The following CTIF variants were observed in gnomAD, a reference collection of about 807,000 sequenced individuals.
CTIF encodes cap binding complex dependent translation initiation factor.
Under a neutral mutation model 66.0 loss-of-function variants are expected in CTIF, and 21 were observed. The observed-to-expected ratio is 0.32, with a 90% confidence interval of 0.23 to 0.46. The LOEUF is 0.46. CTIF is among the 20% of genes least tolerant of loss of function. The pLI is 1.00. For synonymous variants in CTIF, 345 were observed against 326.4 expected, an observed-to-expected ratio of 1.06 and a Z score of -0.62; for missense variants, 739 against 812.7, an observed-to-expected ratio of 0.91 and a Z score of 1.10.
chr18:48,595,722 G>A (rs2089977073), intron 1 of CTIF, among the ~76,000 whole-genome samples: 2 of 152,146 alleles, frequency 1.3e-5, no homozygotes, highest in Non-Finnish European at 2.9e-5. Flanking sequence ...ACATACATTT[G>A]TTATTTCATG....
intron 2 of CTIF, among the ~76,000 whole-genome samples, chr18:48,635,327 C>CTT (rs561455888): frequency 1.8e-3 from 207 of 113,354 alleles, no homozygotes; most frequent in South Asian, 0.011. Context: ...CTTTTTCTTT[C>CTT]TTTTTTTTTT....
chr18:48,658,937 C>T (rs1568111493), intron 3 of CTIF, among the ~76,000 whole-genome samples: 1 of 152,098 alleles, frequency 6.6e-6, no homozygotes, highest in Non-Finnish European at 1.5e-5. Context: ...CAGTTAATAA[C>T]TCTGTTGCGT....
chr18:48,554,263 C>T (rs2088962842), intron 1 of CTIF, among the ~76,000 whole-genome samples: 1 of 152,202 alleles, frequency 6.6e-6, no homozygotes, highest in African/African-American at 2.4e-5. Context: ...GTGACTTGGC[C>T]AAGTTCGCAT....
chr18:48,631,570 CAG>C (rs1352882322), intron 2 of CTIF, among the ~76,000 whole-genome samples: 4 of 152,194 alleles, frequency 2.6e-5, no homozygotes, highest in Non-Finnish European at 5.9e-5. Context: ...GGACTGATAA[CAG>C]AGAATAATAA....
At position 48,633,940 on chromosome 18, in the gene CTIF, T is replaced by C. The variant is rs574512925; in HGVS notation, c.181-2674T>C. Among the ~76,000 whole-genome samples, 18 of 152,260 alleles carry C rather than the reference T, an allele frequency of 1.2e-4. No homozygotes were observed. In the South Asian group the frequency reaches 3.7e-3, roughly 32 times the overall value. ...AGAACCATTATCAGAAGCAGGAAAT[T>C]AACATTGGTACAATGCTCTTAACTA... On this transcript the variant is annotated intron_variant, in intron 2 of 11. Coordinates refer to ENST00000256413, the MANE Select transcript of CTIF (RefSeq NM_014772.3).
intron 9 of CTIF, among the ~76,000 whole-genome samples, chr18:48,783,890 G>A (rs1038343877): frequency 1.3e-5 from 2 of 151,706 alleles, no homozygotes; most frequent in Admixed American, 1.3e-4. Flanking sequence ...ACTCCCTCCA[G>A]CCTTACGTAG....
rs886946948 is a variant in CTIF at position 48,649,807 on chromosome 18, G to C, written c.252+13122G>C. 2.6e-5 allele frequency among the ~76,000 whole-genome samples: 4 copies of C among 152,338 alleles called. No individual in the cohort carries two copies. In the South Asian group the frequency reaches 8.3e-4, roughly 32 times the overall value. On this transcript the variant is annotated intron_variant, in intron 3 of 11. Transcript: ENST00000256413. Reference sequence around the variant, plus strand: ...GTTCTGCAATATTTGCTGTTCTGCAGTGTCCACTAGTGATACCCAGGCAAA... The same window carrying C: ...GTTCTGCAATATTTGCTGTTCTGCACTGTCCACTAGTGATACCCAGGCAAA...
chr18:48,549,034 T>G (rs2088822330), intron 1 of CTIF, among the ~76,000 whole-genome samples: 1 of 152,034 alleles, frequency 6.6e-6, no homozygotes, highest in Non-Finnish European at 1.5e-5. Context: ...AGATATAAAC[T>G]GAGGTTGTCC....
intron 7 of CTIF, among the ~76,000 whole-genome samples, chr18:48,743,209 G>A (rs1246411555): frequency 6.6e-6 from 1 of 152,166 alleles, no homozygotes; most frequent in Non-Finnish European, 1.5e-5. Flanking sequence ...AGCTTGCAGA[G>A]CTTCACAACC....
intron 7 of CTIF, among the ~76,000 whole-genome samples, chr18:48,738,919 C>T (rs1411600165): frequency 6.6e-6 from 1 of 152,232 alleles, no homozygotes; most frequent in Non-Finnish European, 1.5e-5. Context: ...GGCCTTTCAG[C>T]ACCTCGCTTA....
intron 3 of CTIF, among the ~76,000 whole-genome samples, chr18:48,646,326 C>T (rs2091030305): frequency 6.6e-6 from 1 of 152,058 alleles, no homozygotes; most frequent in African/African-American, 2.4e-5. Flanking sequence ...AAAAAATATG[C>T]AACATCATTA....
At chr18:48,553,548 C>T (rs945010510) in intron 1 of CTIF, among the ~76,000 whole-genome samples, 1 of 152,286 alleles carries the variant, frequency 6.6e-6, no homozygotes, top group Admixed American at 6.5e-5. Context: ...GCTCATCCCA[C>T]GAGGCGTTCG....
intron 7 of CTIF, among the ~76,000 whole-genome samples, chr18:48,754,009 G>A (rs1908093853): frequency 6.6e-6 from 1 of 152,240 alleles, no homozygotes; most frequent in Non-Finnish European, 1.5e-5. Context: ...AACGACCGCT[G>A]ACAAATATTT....
intron 6 of CTIF, among the ~76,000 whole-genome samples, chr18:48,693,073 G>T (rs892661176): frequency 2.6e-5 from 4 of 152,214 alleles, no homozygotes; most frequent in African/African-American, 9.7e-5. Context: ...GTGCTTTTCT[G>T]ATGATGAATC....
At chr18:48,772,470 C>CATAACTCCCCTACAGCA (rs547940118) in intron 9 of CTIF, among the ~76,000 whole-genome samples, 28,414 of 135,360 alleles carry the variant, frequency 0.21, 3,852 homozygotes, top group African/African-American at 0.29. Flanking sequence ...ATGTACCCAC[C>CATAACTCCCCTACAGCA]ATAACTCCCC....
intron 6 of CTIF, among the ~76,000 whole-genome samples, chr18:48,704,788 C>T (rs887989461): frequency 3.9e-5 from 6 of 152,324 alleles, no homozygotes; most frequent in Non-Finnish European, 5.9e-5. Context: ...CCCAATCAGG[C>T]CATTCAGAGG....
At chr18:48,723,933 C>T (rs1263777787) in intron 7 of CTIF, among the ~76,000 whole-genome samples, 1 of 152,190 alleles carries the variant, frequency 6.6e-6, no homozygotes, top group Non-Finnish European at 1.5e-5. Context: ...TTAGGCAAGA[C>T]ACCAGCAAAC....
intron 7 of CTIF, among the ~76,000 whole-genome samples, chr18:48,715,074 C>T (rs1413195664): frequency 2.0e-5 from 3 of 152,104 alleles, no homozygotes; most frequent in Non-Finnish European, 4.4e-5. Context: ...AGGGGCGGGC[C>T]GCTAGGATCA....
chr18:48,542,076 T>TA (rs1440760437), intron 1 of CTIF, among the ~76,000 whole-genome samples: 1 of 152,192 alleles, frequency 6.6e-6, no homozygotes, highest in Non-Finnish European at 1.5e-5. Context: ...AGCTAAAAAA[T>TA]AGAGTATATT....
Sources: allele counts gnomAD v4.1 joint callset (sites outside exome capture counted in the v4.1 genomes callset), GRCh38; gene constraint gnomAD v4.1.1; transcripts MANE v1.5; gene names NCBI Gene and HGNC (gene_info 2026-07-23, HGNC 2026-07-21).